TENM4: variants seen among roughly 807,000 people sequenced by gnomAD.
The protein encoded by TENM4 is teneurin-4.
A neutral mutation model predicts 243.3 loss-of-function variants in TENM4; 82 were observed. That is an observed-to-expected ratio of 0.34 (90% confidence interval 0.28 to 0.40). The LOEUF is 0.40. Ranked by LOEUF, TENM4 falls within the 10% of genes least tolerant of loss-of-function variation. The pLI is 1.00. For missense variants in TENM4, 3,138 were observed against 3,673.3 expected (o/e 0.85, Z 3.77); for synonymous variants, 1,412 against 1,456.3 (o/e 0.97, Z 0.69).
At chr11:79,221,347 AT>A (rs11424753) in intron 2 of TENM4, among the ~76,000 whole-genome samples, 3 of 151,410 alleles carry the variant, frequency 2.0e-5, no homozygotes, top group African/African-American at 7.3e-5. Flanking sequence ...TAGAATATGG[AT>A]TTTTTTTAAG....
intron 1 of TENM4, among the ~76,000 whole-genome samples, chr11:79,430,523 T>G (rs1859145772): frequency 6.6e-6 from 1 of 151,898 alleles, no homozygotes; most frequent in South Asian, 2.1e-4. Flanking sequence ...CTCAAGAGAG[T>G]GGCACAAGCA....
At chr11:79,292,575 G>A (rs1466711970) in intron 2 of TENM4, among the ~76,000 whole-genome samples, 2 of 152,208 alleles carry the variant, frequency 1.3e-5, no homozygotes, top group African/African-American at 2.4e-5. Flanking sequence ...GAAGGCAATG[G>A]ATTTGAATGG....
At chr11:78,880,656 T>C (rs918799934) in intron 9 of TENM4, among the ~76,000 whole-genome samples, 1 of 152,262 alleles carries the variant, frequency 6.6e-6, no homozygotes, top group Middle Eastern at 3.4e-3. Flanking sequence ...AGCCATGATA[T>C]GGAGGTCAAG....
intron 10 of TENM4, among the ~76,000 whole-genome samples, chr11:78,857,870 C>G (rs1041215257): frequency 6.6e-5 from 10 of 152,158 alleles, no homozygotes; most frequent in Non-Finnish European, 1.5e-4. Flanking sequence ...ATTCTATATT[C>G]CAGGAGGAAA....
In TENM4 at chr11:78,902,149, T is replaced by C. The variant is rs138323362; in HGVS notation, c.749+1119A>G. ...AGGGTAGAAGATAAAGTGGTTCCAG[T>C]TTTGCCAGCCTAGGACACTTCATCT... On this transcript the variant is annotated intron_variant, in intron 7 of 33. Coordinates refer to ENST00000278550, the MANE Select transcript of TENM4 (RefSeq NM_001098816.3). Among the ~76,000 whole-genome samples, 132 of 152,268 alleles carry C rather than the reference T, an allele frequency of 8.7e-4. 2 individuals carry two copies. In the East Asian group the frequency reaches 0.017, roughly 20 times the overall value.
chr11:79,328,738 A>G (rs191569884), intron 1 of TENM4, among the ~76,000 whole-genome samples: 44 of 152,268 alleles, frequency 2.9e-4, no homozygotes, highest in African/African-American at 1.1e-3. Context: ...AGGGAGAAAT[A>G]TAACATTTAC....
chr11:79,195,109 C>T (rs1455349335), intron 3 of TENM4, among the ~76,000 whole-genome samples: 1 of 152,210 alleles, frequency 6.6e-6, no homozygotes, highest in East Asian at 1.9e-4. Context: ...TGGTGTTGAG[C>T]CTGTGGGTAC....
At position 79,316,493 on chromosome 11, in the gene TENM4, G is replaced by A. The variant is rs543191637; in HGVS notation, c.-320-18950C>T. Among the ~76,000 whole-genome samples the A allele has an allele frequency of 3.9e-5, 6 of 152,326 alleles. No individual in the cohort carries two copies. In the South Asian group the frequency reaches 1.2e-3, roughly 32 times the overall value. ...GCTAACAAGCGTACCCAGTTGTACA[G>A]AGAAGACTGGGTTGAGTATTACTGT... On this transcript the variant is annotated intron_variant, in intron 1 of 33. Coordinates refer to ENST00000278550, the MANE Select transcript of TENM4 (RefSeq NM_001098816.3).
At chr11:79,308,246 G>C (rs1479277968) in intron 1 of TENM4, among the ~76,000 whole-genome samples, 1 of 152,182 alleles carries the variant, frequency 6.6e-6, no homozygotes, top group Non-Finnish European at 1.5e-5. Flanking sequence ...CTTTCTCAGA[G>C]AAATGTTTCT....
At chr11:79,256,233 G>T (rs984588616) in intron 2 of TENM4, among the ~76,000 whole-genome samples, 2 of 152,176 alleles carry the variant, frequency 1.3e-5, no homozygotes, top group East Asian at 1.9e-4. Context: ...AGGCCTAGTG[G>T]GTAGTAACAG....
In TENM4 at chr11:78,661,602, G is replaced by A. The variant is rs1858032094; in HGVS notation, c.7409-11C>T. On this transcript the variant is annotated splice_polypyrimidine_tract_variant and intron_variant, in intron 32 of 33. Transcript: ENST00000278550. ...GCCAGCTGTTAACATCTGGATGGGA[G>A]GGAAGCAGAAACATCTCCATGGAGT... is the stretch of plus-strand genomic sequence containing the variant. 1 of 1,612,150 alleles carries A rather than the reference G, an allele frequency of 6.2e-7. No individual in the cohort carries two copies. Among genetic ancestry groups the A allele is most frequent in the Non-Finnish European group, 8.5e-7 (1 of 1,179,288 alleles).
Position 78,805,282 on chromosome 11 carries a change from C to CCCCCCCCCCCCCCCCCCCCCAAAG in TENM4, c.2179+9_2179+10insCTTTGGGGGGGGGGGGGGGGGGGG. 1 of 995,568 alleles carries CCCCCCCCCCCCCCCCCCCCCAAAG rather than the reference C, an allele frequency of 1.0e-6. No homozygotes were observed. The highest frequency in any genetic ancestry group is 5.3e-5 in the East Asian group (1 of 19,014). 61.7% of individuals were successfully genotyped at this position (995,568 alleles called of 1,614,324 possible). ...CCCTCTACCCATGCTTCTTCTCCCC[C>CCCCCCCCCCCCCCCCCCCCCAAAG]TGCATTTACCGATAGAACAGTCGTG... On this transcript the variant is annotated intron_variant, in intron 15 of 33. Transcript: ENST00000278550.
At chr11:78,788,174 C>T (rs1856978745) in intron 15 of TENM4, among the ~76,000 whole-genome samples, 1 of 152,208 alleles carries the variant, frequency 6.6e-6, no homozygotes, top group Non-Finnish European at 1.5e-5. Context: ...TTAGAAGCTG[C>T]TAATAATCTT....
intron 4 of TENM4, among the ~76,000 whole-genome samples, chr11:79,108,431 A>G (rs1861424604): frequency 3.3e-5 from 5 of 152,278 alleles, no homozygotes; most frequent in Admixed American, 2.6e-4. Flanking sequence ...CAGCCCCACA[A>G]TCACGTGAGC....
At chr11:79,384,652 G>C (rs563782722) in intron 1 of TENM4, among the ~76,000 whole-genome samples, 50 of 152,210 alleles carry the variant, frequency 3.3e-4, no homozygotes, top group South Asian at 1.2e-3. Flanking sequence ...CTCGGAGCAC[G>C]CAGTGGCTCA....
intron 6 of TENM4, among the ~76,000 whole-genome samples, chr11:79,051,856 A>C (rs1565183102): frequency 6.6e-6 from 1 of 152,166 alleles, no homozygotes; most frequent in Non-Finnish European, 1.5e-5. Context: ...CCCACTTATA[A>C]GTGAGAACAT....
chr11:79,075,325 C>T (rs1860513149), intron 4 of TENM4, among the ~76,000 whole-genome samples: 1 of 152,202 alleles, frequency 6.6e-6, no homozygotes, highest in African/African-American at 2.4e-5. Context: ...TTCCAGAACC[C>T]TCTATCCTGA....
At chr11:79,245,938 TAAAAA>T (rs1199883938) in intron 2 of TENM4, among the ~76,000 whole-genome samples, 10 of 64,890 alleles carry the variant, frequency 1.5e-4, no homozygotes, top group Admixed American at 5.7e-4. Context: ...AGACTTTGTC[TAAAAA>T]AAAAAAAAAA....
intron 4 of TENM4, among the ~76,000 whole-genome samples, chr11:79,102,978 G>A (rs184693114): frequency 1.5e-3 from 221 of 152,196 alleles, no homozygotes; most frequent in Middle Eastern, 6.8e-3. Flanking sequence ...TCTTGGTGTC[G>A]AGTCTTTCCA....
Sources: gnomAD v4.1 joint callset for allele counts (sites outside exome capture counted in the v4.1 genomes callset) on GRCh38, gnomAD v4.1.1 for gene constraint, MANE v1.5 for transcripts, NCBI Gene and HGNC (gene_info 2026-07-23, HGNC 2026-07-21) for gene names.